LRBA: variants seen among roughly 807,000 people sequenced by gnomAD.
The protein encoded by LRBA is lipopolysaccharide-responsive and beige-like anchor protein.
LRBA carries 176 observed loss-of-function variants against 330.0 expected under a neutral mutation model. The observed-to-expected ratio is 0.53, with a 90% CI of 0.47 to 0.60. The LOEUF (loss-of-function observed/expected upper bound fraction) is 0.60. Among genes scored for constraint, LRBA ranks in the 20% least tolerant of loss-of-function variants. The pLI is 0.00. For synonymous variants in LRBA, 1,230 were observed against 1,193.0 expected, an observed-to-expected ratio of 1.03 and a Z score of -0.64; for missense variants, 3,259 against 3,444.8, an observed-to-expected ratio of 0.95 and a Z score of 1.35.
intron 8 of LRBA, 72 bp from the exon 9 acceptor site, chr4:150,914,413 A>G (rs1560999143): frequency 7.4e-6 from 8 of 1,080,676 alleles, no homozygotes; most frequent in South Asian, 6.5e-5. Flanking sequence ...AACCTATATT[A>G]TCATAAATGT....
chr4:150,938,588 T>G (rs542375323), intron 2 of LRBA, among the ~76,000 whole-genome samples: 1 of 152,324 alleles, frequency 6.6e-6, no homozygotes, highest in South Asian at 2.1e-4. Flanking sequence ...AGTAAATACG[T>G]GCAACCTCTA....
At chr4:150,681,051 A>G (rs1334650733) in intron 37 of LRBA, among the ~76,000 whole-genome samples, 1 of 152,214 alleles carries the variant, frequency 6.6e-6, no homozygotes, top group Admixed American at 6.5e-5. Flanking sequence ...AAAAGACAAA[A>G]TGCTACTATA....
At chr4:150,554,249 A>AG (rs1767000114) in intron 40 of LRBA, among the ~76,000 whole-genome samples, 1 of 152,102 alleles carries the variant, frequency 6.6e-6, no homozygotes. Context: ...CAGGGGAAAG[A>AG]GGGGTAAGAT....
chr4:150,697,344 A>AAAAAAAAAAAAC (rs1561527638), intron 36 of LRBA, among the ~76,000 whole-genome samples: 3 of 148,740 alleles, frequency 2.0e-5, no homozygotes, highest in African/African-American at 7.4e-5. Context: ...AAAAAAAAAA[A>AAAAAAAAAAAAC]AAAAAAACAG....
chr4:150,296,221 T>C (rs1405286907), intron 53 of LRBA, among the ~76,000 whole-genome samples: 1 of 152,152 alleles, frequency 6.6e-6, no homozygotes, highest in Non-Finnish European at 1.5e-5. Flanking sequence ...CTGAAAACTA[T>C]AGAGGAGTTT....
intron 47 of LRBA, among the ~76,000 whole-genome samples, chr4:150,393,043 T>C (rs1008034489): frequency 5.3e-5 from 8 of 152,012 alleles, no homozygotes; most frequent in Admixed American, 3.3e-4. Context: ...TATGATTCCA[T>C]CCATAGCAGA....
chr4:150,313,449 C>T (rs962264227), intron 51 of LRBA, among the ~76,000 whole-genome samples: 6 of 152,030 alleles, frequency 3.9e-5, no homozygotes, highest in Non-Finnish European at 8.8e-5. Flanking sequence ...TTTTAGATGT[C>T]AACTTAAAAA....
intron 36 of LRBA, among the ~76,000 whole-genome samples, chr4:150,726,266 A>C (rs1451014874): frequency 6.6e-6 from 1 of 152,234 alleles, no homozygotes; most frequent in Non-Finnish European, 1.5e-5. Flanking sequence ...CTTCACCTAT[A>C]AAGTTACACA....
intron 46 of LRBA, among the ~76,000 whole-genome samples, chr4:150,433,867 T>C (rs1750750375): frequency 1.3e-5 from 2 of 152,142 alleles, no homozygotes; most frequent in South Asian, 4.1e-4. Context: ...CAGAGTATAT[T>C]ATTTGTGAGA....
At chr4:150,822,417 G>A (rs1467375050) in intron 30 of LRBA, among the ~76,000 whole-genome samples, 2 of 152,066 alleles carry the variant, frequency 1.3e-5, no homozygotes, top group African/African-American at 4.8e-5. Flanking sequence ...TAAAAGTATA[G>A]CCTCACATAT....
chr4:150,471,080 A>G (rs1269388455), intron 43 of LRBA, among the ~76,000 whole-genome samples: 1 of 152,042 alleles, frequency 6.6e-6, no homozygotes, highest in Admixed American at 6.6e-5. Flanking sequence ...TAACATTCTT[A>G]TTTTTTCCCA....
chr4:150,935,588 T>C (rs551440445), intron 2 of LRBA, among the ~76,000 whole-genome samples: 1 of 152,032 alleles, frequency 6.6e-6, no homozygotes, highest in Non-Finnish European at 1.5e-5. Flanking sequence ...AATTCCAATA[T>C]GATTTTTTTC....
chr4:150,671,286 T>C (rs1782042251), intron 37 of LRBA, among the ~76,000 whole-genome samples: 1 of 152,288 alleles, frequency 6.6e-6, no homozygotes, highest in South Asian at 2.1e-4. Context: ...AGCATTTACA[T>C]GGTATATGTC....
At chr4:150,658,260 C>A (rs1385512909) in intron 37 of LRBA, among the ~76,000 whole-genome samples, 1 of 151,086 alleles carries the variant, frequency 6.6e-6, no homozygotes, top group Non-Finnish European at 1.5e-5. Context: ...GTAATACTTT[C>A]TTAAAAAGGT....
intron 47 of LRBA, 88 bp from the exon 48 acceptor site, chr4:150,350,247 C>T: frequency 2.0e-6 from 2 of 1,010,060 alleles, no homozygotes; most frequent in East Asian, 5.7e-5. Flanking sequence ...AAGTTTAACA[C>T]TAACTTTACT....
At chr4:150,663,796 A>G (rs1781336487) in intron 37 of LRBA, among the ~76,000 whole-genome samples, 1 of 152,188 alleles carries the variant, frequency 6.6e-6, no homozygotes, top group Non-Finnish European at 1.5e-5. Context: ...TATTTATCAA[A>G]CGCTATGAGA....
rs571737816 is a variant in LRBA, at chr4:150,940,159, T to A, written c.217-11094A>T. On this transcript the variant is annotated intron_variant, in intron 2 of 56. Transcript: ENST00000651943. ...TGGCTTATGCCTGTAATCTCAGTAC[T>A]TTGGGAGGCTGAGGCAGGAGGACTG... is the stretch of plus-strand genomic sequence containing the variant. Among the ~76,000 whole-genome samples the A allele has an allele frequency of 1.1e-3, 163 of 152,010 alleles. 1 individual carries two copies. The highest frequency in any genetic ancestry group is 2.2e-3 in the Admixed American group (34 of 15,260).
At chr4:150,557,868 T>C (rs1561347760) in intron 40 of LRBA, among the ~76,000 whole-genome samples, 2 of 152,142 alleles carry the variant, frequency 1.3e-5, no homozygotes, top group Non-Finnish European at 2.9e-5. Flanking sequence ...ATTTTAGTTA[T>C]TTCCTGCTGC....
At chr4:150,312,005 A>C (rs1471249597) in intron 51 of LRBA, among the ~76,000 whole-genome samples, 4 of 152,166 alleles carry the variant, frequency 2.6e-5, no homozygotes, top group Non-Finnish European at 5.9e-5. Context: ...TGAGAGCTGT[A>C]AACATGTTTA....
Sources: gnomAD v4.1 joint callset for allele counts (sites outside exome capture counted in the v4.1 genomes callset) on GRCh38, gnomAD v4.1.1 for gene constraint, MANE v1.5 for transcripts, NCBI Gene and HGNC (gene_info 2026-07-23, HGNC 2026-07-21) for gene names.